The following IRAG1 variants were observed in gnomAD, a reference collection of about 807,000 sequenced individuals.
IRAG1 encodes inositol 1,4,5-triphosphate receptor associated 1, also known as IP3R-associated cGMP kinase substrate.
In IRAG1, 62 loss-of-function variants were observed where a neutral mutation model predicts 106.2. The ratio of observed to expected loss-of-function variants is 0.58; its 90% confidence interval spans 0.48 to 0.72. The LOEUF (loss-of-function observed/expected upper bound fraction) is 0.72, where lower values mean the gene tolerates loss of function less well. Among genes scored for constraint, IRAG1 ranks in the 30% least tolerant of loss-of-function variants. The probability of loss-of-function intolerance (pLI) is 0.00; values close to 1 mark genes in which losing one functional copy is unlikely to be tolerated. For missense variants in IRAG1, 1,064 were observed against 1,140.7 expected (o/e 0.93, Z 0.97); for synonymous variants, 462 against 443.9 (o/e 1.04, Z -0.51).
At chr11:10,680,527 G>GGAA (rs1861159071) in intron 1 of IRAG1, among the ~76,000 whole-genome samples, 1 of 137,192 alleles carries the variant, frequency 7.3e-6, no homozygotes, top group South Asian at 2.3e-4. Flanking sequence ...AAGGAAGAAA[G>GGAA]GAAGGAAGGA....
chr11:10,627,112 GT>G (rs1255453218), intron 8 of IRAG1, among the ~76,000 whole-genome samples: 1 of 152,148 alleles, frequency 6.6e-6, no homozygotes, highest in Non-Finnish European at 1.5e-5. Flanking sequence ...ATTCTGCAGT[GT>G]TAGTTTACTT....
At position 10,604,496 on chromosome 11, in the gene IRAG1, A is replaced by G; in HGVS notation, c.1652T>C (p.Leu551Pro). 6.2e-7 allele frequency: 1 copy of G among 1,614,044 alleles called. No individual in the cohort carries two copies. Among genetic ancestry groups the G allele is most frequent in the Non-Finnish European group, 8.5e-7 (1 of 1,179,880 alleles). The change falls in exon 13 of 21, where the codon CTG (leucine) becomes CCG (proline). Residue 551 changes from leucine (L) to proline (P), a missense_variant. Coordinates refer to ENST00000423302, the MANE Select transcript of IRAG1 (RefSeq NM_130385.4). ...TTCAGCCTGGTTAATTCTAGATTCCAGAGTGTAGCTGTCATTTCTAAAGGC... is the reference window on the plus strand; with the variant it reads ...TTCAGCCTGGTTAATTCTAGATTCCGGAGTGTAGCTGTCATTTCTAAAGGC... ...SLAFRNDSYT[L>P]ESRINQAERE...
intron 18 of IRAG1, among the ~76,000 whole-genome samples, chr11:10,586,497 A>C (rs2134152449): frequency 6.6e-6 from 1 of 150,506 alleles, no homozygotes; most frequent in Admixed American, 6.6e-5. Flanking sequence ...GGCACACTGC[A>C]ACCTCCACCT....
In IRAG1 at chr11:10,628,391, T is replaced by G. The variant is rs1366847116; in HGVS notation, c.652+360A>C. Among the ~76,000 whole-genome samples the G allele has an allele frequency of 6.6e-6, 1 of 152,104 alleles. No homozygotes were observed. Among genetic ancestry groups the G allele is most frequent in the East Asian group, 1.9e-4 (1 of 5,172 alleles). On this transcript the variant is annotated intron_variant, in intron 6 of 20. Transcript: ENST00000423302. The surrounding 1 kb of genome is among the most constrained non-coding windows in gnomAD (Gnocchi z 4.1). Reference sequence around the variant, plus strand: ...GGAGGGTGTGACTCTGGGTACAGCCTAATGAAAGGGAAGAAGTCAGACCCC... The same window carrying G: ...GGAGGGTGTGACTCTGGGTACAGCCGAATGAAAGGGAAGAAGTCAGACCCC...
chr11:10,606,073 T>C (rs1265406506), intron 12 of IRAG1, among the ~76,000 whole-genome samples: 3 of 152,254 alleles, frequency 2.0e-5, no homozygotes, highest in Non-Finnish European at 4.4e-5. Context: ...GCAAGTGCAA[T>C]GCCTGTGTGC....
At position 10,627,873 on chromosome 11, in the gene IRAG1, C is replaced by T; in HGVS notation, c.705+100G>A. ...TGGTGTTCATGCCCTCCACCCAGCA[C>T]CCTCATCTCCAGTGGGTCACGAAGG... On this transcript the variant is annotated intron_variant, in intron 7 of 20. Transcript: ENST00000423302. The T allele has an allele frequency of 7.6e-6, 12 of 1,574,720 alleles. No homozygotes were observed. In the South Asian group the frequency reaches 1.4e-4, roughly 18 times the overall value.
chr11:10,693,527 G>C lies in IRAG1; in HGVS notation c.67+9C>G, dbSNP rs747992680. 83 of 1,535,470 alleles carry C rather than the reference G, an allele frequency of 5.4e-5. No individual in the cohort carries two copies. The highest frequency in any genetic ancestry group is 6.6e-5 in the Non-Finnish European group (76 of 1,146,854). ...AGGCAGGTTATTCTAGGATATAGGGGAGGCTTACCTAAAACTGAGTTATTC... is the reference window on the plus strand; with the variant it reads ...AGGCAGGTTATTCTAGGATATAGGGCAGGCTTACCTAAAACTGAGTTATTC... On this transcript the variant is annotated intron_variant, in intron 1 of 20. Transcript: ENST00000423302.
At chr11:10,630,955 T>C (rs1037161742) in intron 4 of IRAG1, among the ~76,000 whole-genome samples, 7 of 152,300 alleles carry the variant, frequency 4.6e-5, no homozygotes, top group Non-Finnish European at 7.4e-5. Flanking sequence ...GGGATGGCCA[T>C]GTGAAGCCAT....
intron 10 of IRAG1, chr11:10,611,545 C>T (rs185026240): frequency 6.6e-6 from 1 of 152,132 alleles, no homozygotes; most frequent in African/African-American, 2.4e-5. Context: ...TAGGAACCAA[C>T]CACCTTCCTC....
rs536795977 is a variant in IRAG1, at chr11:10,665,696, G to A, written c.68-13514C>T. 6.6e-6 allele frequency among the ~76,000 whole-genome samples: 1 copy of A among 152,310 alleles called. No homozygotes were observed. Among genetic ancestry groups the A allele is most frequent in the Admixed American group, 6.5e-5 (1 of 15,306 alleles). On this transcript the variant is annotated intron_variant, in intron 1 of 20. Coordinates refer to ENST00000423302, the MANE Select transcript of IRAG1 (RefSeq NM_130385.4). This position sits in a 1 kb window ranked among gnomAD's most constrained non-coding sequence, Gnocchi z 4.2. Reference sequence around the variant, plus strand: ...GAGTTTAGGGTGGAGACTCCCATGTGCAGGACAGGAAGGAAGCTCACACCT... The same window carrying A: ...GAGTTTAGGGTGGAGACTCCCATGTACAGGACAGGAAGGAAGCTCACACCT...
intron 19 of IRAG1, among the ~76,000 whole-genome samples, chr11:10,581,143 C>G (rs1851346149): frequency 6.6e-6 from 1 of 152,056 alleles, no homozygotes; most frequent in South Asian, 2.1e-4. Context: ...GGTTTTTCTC[C>G]CCCAGGGTCA....
At chr11:10,655,153 C>T (rs889318040) in intron 1 of IRAG1, among the ~76,000 whole-genome samples, 7 of 152,100 alleles carry the variant, frequency 4.6e-5, no homozygotes, top group Admixed American at 6.5e-5. Context: ...TTATGTGTGA[C>T]GTATGTACAG....
intron 1 of IRAG1, among the ~76,000 whole-genome samples, chr11:10,672,439 A>G (rs755359233): frequency 1.3e-5 from 2 of 152,256 alleles, no homozygotes; most frequent in Non-Finnish European, 2.9e-5. Context: ...CAAATAGCAT[A>G]TCTAATAAAG....
chr11:10,614,931 T>C (rs1855273896), intron 10 of IRAG1, among the ~76,000 whole-genome samples: 1 of 152,122 alleles, frequency 6.6e-6, no homozygotes, highest in Non-Finnish European at 1.5e-5. Context: ...AAAGCCAAAA[T>C]TGACAAATGG....
intron 1 of IRAG1, among the ~76,000 whole-genome samples, chr11:10,664,236 C>T (rs190229946): frequency 6.6e-6 from 1 of 152,240 alleles, no homozygotes; most frequent in Non-Finnish European, 1.5e-5. Context: ...TCATCTAAGA[C>T]CAGCAGGAGA....
At chr11:10,597,180 T>C (rs1191229592) in intron 15 of IRAG1, among the ~76,000 whole-genome samples, 1 of 152,236 alleles carries the variant, frequency 6.6e-6, no homozygotes, top group Non-Finnish European at 1.5e-5. Flanking sequence ...TAATGAAGAA[T>C]AGCCTCAAAT....
intron 1 of IRAG1, among the ~76,000 whole-genome samples, chr11:10,689,679 A>G (rs779100551): frequency 5.3e-5 from 8 of 152,256 alleles, no homozygotes; most frequent in Non-Finnish European, 8.8e-5. Flanking sequence ...TCTATGTTAT[A>G]AAACCATTGA....
In IRAG1 at chr11:10,600,906, C is replaced by T. The variant is rs573130885; in HGVS notation, c.2017+12G>A. ...TGTAGGGCCAAGATGGGGCAGGAGC[C>T]TAGGTCCTTACCAGAGGGGCCACAG... On this transcript the variant is annotated intron_variant, in intron 15 of 20. Coordinates refer to ENST00000423302, the MANE Select transcript of IRAG1 (RefSeq NM_130385.4). The T allele has an allele frequency of 6.2e-7, 1 of 1,613,856 alleles. No individual in the cohort carries two copies. Among genetic ancestry groups the T allele is most frequent in the African/African-American group, 1.3e-5 (1 of 74,944 alleles).
rs750289136 is a variant in IRAG1 at position 10,628,783 on chromosome 11, C to G, written c.620G>C (p.Arg207Pro). The change falls in exon 6 of 21, where the codon CGG becomes CCG. Residue 207 changes from arginine to proline, a missense_variant. By Grantham distance (103) the Arg-to-Pro change is moderately radical (BLOSUM62 -2). Coordinates refer to ENST00000423302, the MANE Select transcript of IRAG1 (RefSeq NM_130385.4). The surrounding 1 kb of genome is among the most constrained non-coding windows in gnomAD (Gnocchi z 4.1). ...LSPSASPTSS[R>P]SNSLTVPTPP... ...GGTGGGGACTGTAAGTGAGTTGCTC[C>G]GAGAGGATGTAGGAGAAGCGCTGGG... 3.2e-6 allele frequency: 5 copies of G among 1,558,328 alleles called. No homozygotes were observed. Among genetic ancestry groups the G allele is most frequent in the Admixed American group, 2.0e-5 (1 of 48,932 alleles).
Sources: allele counts gnomAD v4.1 joint callset (sites outside exome capture counted in the v4.1 genomes callset), GRCh38; gene constraint gnomAD v4.1.1; non-coding constraint Gnocchi (gnomAD v3.1); transcripts MANE v1.5; gene names NCBI Gene and HGNC (gene_info 2026-07-23, HGNC 2026-07-21).